Variants in PDHX observed in about 807,000 individuals in gnomAD.
The protein encoded by PDHX is pyruvate dehydrogenase complex component X.
In PDHX, 33 loss-of-function variants were observed where a neutral mutation model predicts 55.3. The ratio of observed to expected loss-of-function variants is 0.60; its 90% CI spans 0.45 to 0.80. PDHX has a LOEUF of 0.80. Ranked by LOEUF, PDHX falls within the 30% of genes least tolerant of loss-of-function variation. PDHX has a pLI of 0.00. For missense variants in PDHX, 622 were observed against 619.9 expected (o/e 1.00, Z -0.04); for synonymous variants, 226 against 219.4 (o/e 1.03, Z -0.27).
At chr11:34,975,942 C>A (rs1257546384) in intron 7 of PDHX, among the ~76,000 whole-genome samples, 1 of 151,992 alleles carries the variant, frequency 6.6e-6, no homozygotes, top group Non-Finnish European at 1.5e-5. Context: ...TTTAAAAGTT[C>A]AAGGAACTAA....
At chr11:34,984,404 A>G (rs927517144) in intron 8 of PDHX, among the ~76,000 whole-genome samples, 166 bp from the exon 9 acceptor site, 4 of 152,236 alleles carry the variant, frequency 2.6e-5, no homozygotes, top group African/African-American at 9.6e-5. Flanking sequence ...CAAACATAAA[A>G]GATAATTGAC....
intron 8 of PDHX, among the ~76,000 whole-genome samples, chr11:34,978,969 G>C (rs758276702): frequency 6.6e-6 from 1 of 152,162 alleles, no homozygotes; most frequent in Non-Finnish European, 1.5e-5. Context: ...AATGTAGCCT[G>C]TGGAGAGGCA....
chr11:34,964,609 A>C (rs915121384), intron 5 of PDHX, among the ~76,000 whole-genome samples: 3 of 151,262 alleles, frequency 2.0e-5, no homozygotes, highest in Non-Finnish European at 3.0e-5. Flanking sequence ...TTAAAAAATA[A>C]AAAAAAAATA....
Position 34,947,550 on chromosome 11 carries a change from G to C in PDHX, c.286G>C (p.Asp96His). 6.2e-7 allele frequency: 1 copy of C among 1,613,644 alleles called. No individual in the cohort carries two copies. The highest frequency in any genetic ancestry group is 8.5e-7 in the Non-Finnish European group (1 of 1,179,640). ...AGDALCEIET[D>H]KAVVTLDASD... ...AGATGCATTATGTGAAATTGAGACT[G>C]ACAAAGCTGTGGTTACCTTAGATGC... Residue 96 changes from aspartate (D) to histidine (H), a missense_variant, in exon 3 of 11, where the codon GAC becomes CAC. Physicochemically the swap from Asp to His is moderately conservative, Grantham distance 81 (BLOSUM62 -1). Coordinates refer to ENST00000227868, the MANE Select transcript of PDHX (RefSeq NM_003477.3).
chr11:34,927,919 A>T (rs959052497), intron 1 of PDHX, among the ~76,000 whole-genome samples: 1 of 152,144 alleles, frequency 6.6e-6, no homozygotes, highest in Non-Finnish European at 1.5e-5. Flanking sequence ...TAATTCAGAT[A>T]AGCAATTTCA....
rs563778699 is a variant in PDHX, at chr11:34,924,009, C to T, written c.160+7194C>T. 1.3e-4 allele frequency among the ~76,000 whole-genome samples: 20 copies of T among 152,256 alleles called. No homozygotes were observed. In the East Asian group the frequency reaches 3.3e-3, roughly 25 times the overall value. ...TAAAAAGGGAACCTTCAAGTTTAGG[C>T]TGGGAAGGTGAAAGGAACCTGTGAA... is the stretch of plus-strand genomic sequence containing the variant. On this transcript the variant is annotated intron_variant, in intron 1 of 10. Coordinates refer to ENST00000227868, the MANE Select transcript of PDHX (RefSeq NM_003477.3).
chr11:34,994,989 G>A lies in PDHX; in HGVS notation c.1323G>A (p.Ala441=), dbSNP rs200276180. The A allele has an allele frequency of 2.5e-5, 41 of 1,614,018 alleles. No individual in the cohort carries two copies. In the East Asian group the frequency reaches 2.7e-4, roughly 11 times the overall value. ...ACCCTCCTCAGGCCTGCATTTTGGC[G>A]GTTGGGAGGTTCCGACCTGTGCTGA... ...VINPPQACIL[A]VGRFRPVLKL... The change falls in exon 11 of 11, where the codon GCG becomes GCA. Residue 441 remains alanine (A), a synonymous_variant. Coordinates refer to ENST00000227868, the MANE Select transcript of PDHX (RefSeq NM_003477.3).
chr11:34,918,151 C>G (rs1318599140), intron 1 of PDHX, among the ~76,000 whole-genome samples: 1 of 151,810 alleles, frequency 6.6e-6, no homozygotes, highest in Non-Finnish European at 1.5e-5. Flanking sequence ...TGGTCACACA[C>G]AAAAATGTGC....
At chr11:34,973,527 G>T (rs1855299381) in intron 7 of PDHX, among the ~76,000 whole-genome samples, 2 of 151,750 alleles carry the variant, frequency 1.3e-5, no homozygotes, top group Admixed American at 1.3e-4. Context: ...TCATTCTATT[G>T]TATTTATTCA....
intron 7 of PDHX, among the ~76,000 whole-genome samples, chr11:34,974,379 G>A (rs1195968580): frequency 6.6e-6 from 1 of 152,134 alleles, no homozygotes; most frequent in African/African-American, 2.4e-5. Flanking sequence ...TCCATTGTAT[G>A]TATCTACCCT....
At position 34,946,352 on chromosome 11, in the gene PDHX, G is replaced by A. The variant is rs374835365; in HGVS notation, c.242-1154G>A. Among the ~76,000 whole-genome samples the A allele has an allele frequency of 3.3e-5, 5 of 151,858 alleles. No individual in the cohort carries two copies. In the East Asian group the frequency reaches 5.8e-4, roughly 18 times the overall value. The stretch of plus-strand genomic sequence containing the variant: ...CATTTATGTTTTTGGATGTCCTCAA[G>A]TACTTATTTTACAATCTTTGACAGA... On this transcript the variant is annotated intron_variant, in intron 2 of 10. Transcript: ENST00000227868.
At chr11:34,963,960 G>A (rs1266748132) in intron 5 of PDHX, among the ~76,000 whole-genome samples, 1 of 152,200 alleles carries the variant, frequency 6.6e-6, no homozygotes, top group Non-Finnish European at 1.5e-5. Context: ...AGGTAAGTAT[G>A]ACAGGCAAGT....
At chr11:34,960,836 CAT>C (rs1385413834) in intron 5 of PDHX, among the ~76,000 whole-genome samples, 1 of 152,062 alleles carries the variant, frequency 6.6e-6, no homozygotes, top group African/African-American at 2.4e-5. Flanking sequence ...CATGCAATAA[CAT>C]TTACATTTCT....
At chr11:34,939,210 CTG>C (rs1248399361) in intron 2 of PDHX, among the ~76,000 whole-genome samples, 1 of 152,054 alleles carries the variant, frequency 6.6e-6, no homozygotes, top group East Asian at 1.9e-4. Context: ...CTCTTATTAA[CTG>C]TTTTTTGTTT....
intron 6 of PDHX, 138 bp from the exon 7 acceptor site, chr11:34,970,001 G>A: frequency 2.6e-6 from 2 of 757,464 alleles, no homozygotes; most frequent in Non-Finnish European, 4.5e-6. Context: ...TTTTAATAGT[G>A]CTTTTCTTGT....
intron 7 of PDHX, among the ~76,000 whole-genome samples, chr11:34,977,105 G>C (rs893608941): frequency 6.6e-6 from 1 of 152,130 alleles, no homozygotes; most frequent in Non-Finnish European, 1.5e-5. Context: ...TATCGTGACA[G>C]TTTGACAGTA....
chr11:34,933,881 T>G (rs1854236926), intron 2 of PDHX, among the ~76,000 whole-genome samples: 1 of 152,092 alleles, frequency 6.6e-6, no homozygotes, highest in Non-Finnish European at 1.5e-5. Context: ...TATATTTCAA[T>G]ACATTAAATA....
At chr11:34,962,973 C>T (rs1855051453) in intron 5 of PDHX, among the ~76,000 whole-genome samples, 1 of 152,204 alleles carries the variant, frequency 6.6e-6, no homozygotes, top group East Asian at 1.9e-4. Flanking sequence ...TACCCTGTTA[C>T]CCTTTTCTCT....
chr11:34,947,557 C>T lies in PDHX; in HGVS notation c.293C>T (p.Ala98Val). 2 of 1,613,528 alleles carry T rather than the reference C, an allele frequency of 1.2e-6. No homozygotes were observed. The highest frequency in any genetic ancestry group is 2.2e-5 in the South Asian group (2 of 91,072). ...TTATGTGAAATTGAGACTGACAAAGCTGTGGTTACCTTAGATGCAAGTGAT... is the reference window on the plus strand; with the variant it reads ...TTATGTGAAATTGAGACTGACAAAGTTGTGGTTACCTTAGATGCAAGTGAT... Reference protein sequence around the residue: ...DALCEIETDKAVVTLDASDDG... With the variant: ...DALCEIETDKVVVTLDASDDG... Residue 98 changes from alanine (A) to valine (V), a missense_variant, in exon 3 of 11, where the codon GCT becomes GTT. By Grantham distance (64) the Ala-to-Val change is moderately conservative. Transcript: ENST00000227868.
Sources: allele counts gnomAD v4.1 joint callset (sites outside exome capture counted in the v4.1 genomes callset), GRCh38; gene constraint gnomAD v4.1.1; transcripts MANE v1.5; gene names NCBI Gene and HGNC (gene_info 2026-07-23, HGNC 2026-07-21).